Variants in PLEKHM3 observed in about 807,000 individuals in gnomAD.
PLEKHM3 encodes pleckstrin homology domain containing M3, also known as pleckstrin homology domain-containing family M member 3.
PLEKHM3 carries 45 observed loss-of-function variants against 81.8 expected under a neutral mutation model. The ratio of observed to expected loss-of-function variants is 0.55; its 90% confidence interval spans 0.43 to 0.71. The LOEUF is 0.71. Among genes scored for constraint, PLEKHM3 ranks in the 30% least tolerant of loss-of-function variants. PLEKHM3 has a pLI of 0.00. For synonymous variants in PLEKHM3, 352 were observed against 356.4 expected, an observed-to-expected ratio of 0.99 and a Z score of 0.14; for missense variants, 788 against 924.3, an observed-to-expected ratio of 0.85 and a Z score of 1.91.
intron 3 of PLEKHM3, among the ~76,000 whole-genome samples, chr2:207,961,598 CCTT>C (rs1368697885): frequency 6.6e-6 from 1 of 152,012 alleles, no homozygotes; most frequent in East Asian, 1.9e-4. Context: ...GAAAGAAACA[CCTT>C]CTATTTTTAG....
At chr2:207,979,527 G>A (rs1169527702) in intron 2 of PLEKHM3, among the ~76,000 whole-genome samples, 6 of 148,116 alleles carry the variant, frequency 4.1e-5, no homozygotes, top group East Asian at 2.0e-4. Context: ...AGAGTGAAAC[G>A]CCGTCTCAGA....
intron 7 of PLEKHM3, chr2:207,851,740 C>CAAAAAAAAAAAAAAAAAAAAAA (rs10605219): frequency 6.2e-5 from 4 of 64,310 alleles, no homozygotes; most frequent in Admixed American, 1.9e-4. Context: ...AACTCCATCT[C>CAAAAAAAAAAAAAAAAAAAAAA]AAAAAAAAAA....
intron 6 of PLEKHM3, among the ~76,000 whole-genome samples, chr2:207,882,697 C>T (rs1339753119): frequency 6.6e-6 from 1 of 151,096 alleles, no homozygotes; most frequent in Admixed American, 6.6e-5. Flanking sequence ...AAGTCATTGT[C>T]TACTGATGAT....
At chr2:207,886,868 C>A (rs1347058120) in intron 6 of PLEKHM3, among the ~76,000 whole-genome samples, 1 of 152,162 alleles carries the variant, frequency 6.6e-6, no homozygotes, top group Non-Finnish European at 1.5e-5. Flanking sequence ...TAATTAAGAG[C>A]ACTGGCCAAA....
intron 6 of PLEKHM3, among the ~76,000 whole-genome samples, chr2:207,904,714 T>G (rs980249215): frequency 1.3e-5 from 2 of 152,190 alleles, no homozygotes; most frequent in Non-Finnish European, 2.9e-5. Flanking sequence ...GGAAAATGCA[T>G]GCAAAGAGGA....
intron 7 of PLEKHM3, among the ~76,000 whole-genome samples, chr2:207,847,937 T>C (rs1231135826): frequency 6.6e-6 from 1 of 152,220 alleles, no homozygotes; most frequent in Non-Finnish European, 1.5e-5. Context: ...GAACAGGATG[T>C]AACAAGACTG....
intron 7 of PLEKHM3, among the ~76,000 whole-genome samples, chr2:207,844,061 C>A (rs2092369317): frequency 6.6e-6 from 1 of 151,690 alleles, no homozygotes; most frequent in Admixed American, 6.6e-5. Context: ...CAAGCATGGG[C>A]AGCAGAGTAA....
At chr2:207,907,624 A>G (rs1331926955) in intron 6 of PLEKHM3, among the ~76,000 whole-genome samples, 2 of 152,254 alleles carry the variant, frequency 1.3e-5, no homozygotes, top group Non-Finnish European at 2.9e-5. Flanking sequence ...TGGCTTGAGC[A>G]CAAGTCAAGG....
chr2:207,970,699 C>T (rs1022029697), intron 3 of PLEKHM3, among the ~76,000 whole-genome samples: 1 of 152,118 alleles, frequency 6.6e-6, no homozygotes, highest in African/African-American at 2.4e-5. Context: ...TTTGTACCTC[C>T]TGTAAGGTCT....
chr2:207,931,841 C>T (rs1173205785), intron 4 of PLEKHM3, among the ~76,000 whole-genome samples: 2 of 152,142 alleles, frequency 1.3e-5, no homozygotes, highest in African/African-American at 4.8e-5. Flanking sequence ...GGCGTGGTGG[C>T]ACATGCCTGT....
chr2:207,884,543 A>G (rs1687824616), intron 6 of PLEKHM3, among the ~76,000 whole-genome samples: 1 of 152,214 alleles, frequency 6.6e-6, no homozygotes, highest in South Asian at 2.1e-4. Flanking sequence ...CTACTCTTGA[A>G]GAGACTAAAT....
chr2:207,841,461 AAAAAAAAAAAAAAAAAAAAATAT>A (rs1178568565), intron 7 of PLEKHM3, among the ~76,000 whole-genome samples: 4 of 61,710 alleles, frequency 6.5e-5, no homozygotes, highest in African/African-American at 3.2e-4. Context: ...AAAAAAAAAA[AAAAAAAAAAAAAAAAAAAAATAT>A]ATATATATAT....
At chr2:207,850,925 C>T (rs545545072) in intron 7 of PLEKHM3, among the ~76,000 whole-genome samples, 4 of 151,838 alleles carry the variant, frequency 2.6e-5, no homozygotes, top group Non-Finnish European at 4.4e-5. Flanking sequence ...GAGGCCAAGG[C>T]GGGTGGACCA....
chr2:207,888,911 G>C (rs373325892), intron 6 of PLEKHM3, among the ~76,000 whole-genome samples: 1 of 152,120 alleles, frequency 6.6e-6, no homozygotes, highest in Non-Finnish European at 1.5e-5. Flanking sequence ...TGTTTGCAGT[G>C]GTCTGGGTAC....
intron 6 of PLEKHM3, among the ~76,000 whole-genome samples, chr2:207,863,511 G>T (rs1281774805): frequency 6.6e-5 from 10 of 152,250 alleles, no homozygotes; most frequent in Admixed American, 6.5e-4. Flanking sequence ...TAGGCTCACA[G>T]AAATAAAATC....
intron 6 of PLEKHM3, among the ~76,000 whole-genome samples, chr2:207,895,244 C>A (rs1688184371): frequency 6.6e-6 from 1 of 152,130 alleles, no homozygotes; most frequent in South Asian, 2.1e-4. Flanking sequence ...ACCAGGCAGG[C>A]CCCTTGCCTT....
chr2:207,946,520 AGG>A lies in PLEKHM3; in HGVS notation c.1547-10_1547-9del. ...CTATGGATCGCTGGCAGCCTGTTCAAGGAAAAAGGAAGAGTCTATGATTGCTG... is the reference window on the plus strand; with the variant it reads ...CTATGGATCGCTGGCAGCCTGTTCAAAAAAAGGAAGAGTCTATGATTGCTG... On this transcript the variant is annotated splice_polypyrimidine_tract_variant and intron_variant, in intron 3 of 7. Transcript: ENST00000427836. 6.2e-7 allele frequency: 1 copy of A among 1,613,472 alleles called. No homozygotes were observed. The highest frequency in any genetic ancestry group is 1.7e-5 in the Admixed American group (1 of 59,970).
At chr2:207,978,076 A>G (rs550390763) in intron 2 of PLEKHM3, among the ~76,000 whole-genome samples, 1 of 152,214 alleles carries the variant, frequency 6.6e-6, no homozygotes, top group Admixed American at 6.5e-5. Flanking sequence ...ACACAGCAAG[A>G]CTCTGTCTTA....
chr2:207,901,339 A>G (rs773689598), intron 6 of PLEKHM3: 55 of 703,042 alleles, frequency 7.8e-5, no homozygotes, highest in Non-Finnish European at 1.2e-4. Context: ...TTGCATAAAG[A>G]ACAATCTGCA....
Sources: gnomAD v4.1 joint callset for allele counts (sites outside exome capture counted in the v4.1 genomes callset) on GRCh38, gnomAD v4.1.1 for gene constraint, MANE v1.5 for transcripts, NCBI Gene and HGNC (gene_info 2026-07-23, HGNC 2026-07-21) for gene names.